Variants in ABHD2 observed in about 807,000 individuals in gnomAD.
ABHD2 encodes the protein abhydrolase domain containing 2, acylglycerol lipase, also known as monoacylglycerol lipase ABHD2.
ABHD2 carries 20 observed loss-of-function variants against 48.1 expected under a neutral mutation model. That is an observed-to-expected ratio of 0.42 (90% CI 0.29 to 0.60). The LOEUF is 0.60. Among genes scored for constraint, ABHD2 ranks in the 20% least tolerant of loss-of-function variants. ABHD2 has a pLI of 0.24. For synonymous variants in ABHD2, 209 were observed against 214.2 expected (o/e 0.98, Z 0.21); for missense variants, 405 against 550.9 (o/e 0.74, Z 2.65).
chr15:89,078,024 A>G, the ABHD2 span, among the ~76,000 whole-genome samples: 2 of 152,166 alleles, frequency 1.3e-5, no homozygotes, highest in Non-Finnish European at 2.9e-5. Context: ...CAAAATCTCA[A>G]CAGATCTAAA....
chr15:89,152,029 A>T (rs901294235), intron 4 of ABHD2, among the ~76,000 whole-genome samples, 177 bp downstream of exon 4: 1 of 151,512 alleles, frequency 6.6e-6, no homozygotes, highest in Non-Finnish European at 1.5e-5. Flanking sequence ...GCTTCAGCGT[A>T]TGTTTGCCAG....
At chr15:89,181,790 G>A (rs770826442) in intron 6 of ABHD2, among the ~76,000 whole-genome samples, 1 of 152,190 alleles carries the variant, frequency 6.6e-6, no homozygotes, top group Non-Finnish European at 1.5e-5. Context: ...CTGGAAAGCT[G>A]AGCCTTCTCT....
Position 89,137,485 on chromosome 15 carries a change from A to G in ABHD2, c.195-14192A>G, listed in dbSNP as rs959353097. ...ATTTTATAGTTTGCACGATATGCAC[A>G]AAGGTCACAGATGTACCAGCCTGGC... On this transcript the variant is annotated intron_variant, in intron 3 of 10. Transcript: ENST00000352732. The surrounding 1 kb of genome is among the most constrained non-coding windows in gnomAD (Gnocchi z 4.8). Among the ~76,000 whole-genome samples, 1 of 152,244 alleles carries G rather than the reference A, an allele frequency of 6.6e-6. No homozygotes were observed. The highest frequency in any genetic ancestry group is 1.5e-5 in the Non-Finnish European group (1 of 68,034).
rs943490856 is a variant in ABHD2 at position 89,173,663 on chromosome 15, G to T, written c.539-2149G>T. The stretch of plus-strand genomic sequence containing the variant: ...TCACATTCCAAAGTTAAGAGTTCAA[G>T]GATCCTTCTGGACCAGGTTTTTGTT... On this transcript the variant is annotated intron_variant, in intron 5 of 10. Coordinates refer to ENST00000352732, the MANE Select transcript of ABHD2 (RefSeq NM_152924.5). This position sits in a 1 kb window ranked among gnomAD's most constrained non-coding sequence, Gnocchi z 6.5. 1.3e-5 allele frequency among the ~76,000 whole-genome samples: 2 copies of T among 152,202 alleles called. No homozygotes were observed. The highest frequency in any genetic ancestry group is 4.8e-5 in the African/African-American group (2 of 41,444).
chr15:89,058,485 C>T, the ABHD2 span, among the ~76,000 whole-genome samples: 3,771 of 152,214 alleles, frequency 0.025, 74 homozygotes, highest in Middle Eastern at 0.051. Flanking sequence ...TCCTGGTACA[C>T]GGAGCCTAGT....
chr15:89,088,452 A>T (rs1316740539), upstream of ABHD2: 1 of 152,746 alleles, frequency 6.5e-6, no homozygotes, highest in Non-Finnish European at 1.5e-5. The surrounding 1 kb of genome is among the most constrained non-coding windows in gnomAD (Gnocchi z 6.8). Context: ...TAGCGGCGGG[A>T]GCTGCACTGG....
At chr15:89,057,002 C>T in the ABHD2 span, among the ~76,000 whole-genome samples, 1 of 150,930 alleles carries the variant, frequency 6.6e-6, no homozygotes, top group African/African-American at 2.4e-5. Context: ...CAATCTCCGC[C>T]TCCCGGGTTC....
chr15:89,050,875 G>A, the ABHD2 span, among the ~76,000 whole-genome samples: 8 of 152,164 alleles, frequency 5.3e-5, no homozygotes, highest in East Asian at 1.4e-3. Context: ...AAACCTTTTT[G>A]AGAATGATCT....
At chr15:89,073,872 C>T in the ABHD2 span, among the ~76,000 whole-genome samples, 4 of 152,136 alleles carry the variant, frequency 2.6e-5, no homozygotes, top group South Asian at 2.1e-4. Flanking sequence ...CCCACCCCAG[C>T]GTTTTTTACT....
At chr15:89,090,002 C>G (rs1309442381) in intron 1 of ABHD2, among the ~76,000 whole-genome samples, 1 of 152,122 alleles carries the variant, frequency 6.6e-6, no homozygotes, top group African/African-American at 2.4e-5. Context: ...GAAACTGAGG[C>G]CTGGGGTGGT....
intron 3 of ABHD2, among the ~76,000 whole-genome samples, chr15:89,140,126 G>A (rs978536180): frequency 6.6e-6 from 1 of 152,184 alleles, no homozygotes; most frequent in African/African-American, 2.4e-5. Context: ...TGACACAGCC[G>A]GTGTGTAGAG....
intron 1 of ABHD2, among the ~76,000 whole-genome samples, chr15:89,113,498 C>G (rs946802717): frequency 7.2e-5 from 11 of 152,186 alleles, no homozygotes; most frequent in Non-Finnish European, 1.5e-5. Context: ...CAGCAGAAAA[C>G]TTGTCCTAGA....
chr15:89,058,084 C>G, the ABHD2 span, among the ~76,000 whole-genome samples: 1 of 152,148 alleles, frequency 6.6e-6, no homozygotes, highest in Admixed American at 6.5e-5. Context: ...GCTGATAAAC[C>G]CTTAAATGAA....
chr15:89,048,058 AGC>A, the ABHD2 span, among the ~76,000 whole-genome samples: 10 of 151,698 alleles, frequency 6.6e-5, no homozygotes, highest in African/African-American at 2.4e-4. Context: ...TTCCATGTTT[AGC>A]GCTTCCTTCA....
chr15:89,150,249 T>A (rs1338079615), intron 3 of ABHD2, among the ~76,000 whole-genome samples: 1 of 152,226 alleles, frequency 6.6e-6, no homozygotes, highest in Non-Finnish European at 1.5e-5. Context: ...GATCAAAAGC[T>A]TAATTTCTTG....
rs1278761432 is a variant in ABHD2, at chr15:89,197,296, A to G, written c.*1873A>G. 1.3e-5 allele frequency: 2 copies of G among 152,632 alleles called. No individual in the cohort carries two copies. The highest frequency in any genetic ancestry group is 4.8e-5 in the African/African-American group (2 of 41,462). 9.5% of individuals were successfully genotyped at this position (152,632 alleles called of 1,614,324 possible). On this transcript the variant is annotated 3_prime_UTR_variant, in exon 11 of 11. Transcript: ENST00000352732. The surrounding 1 kb of genome is among the most constrained non-coding windows in gnomAD (Gnocchi z 4.4). The stretch of plus-strand genomic sequence containing the variant: ...TAATTTCTGGCACTCACCAGCCTCT[A>G]TCATTATGACTTTCCCCCCAGTGTA...
At chr15:89,060,339 C>A in the ABHD2 span, among the ~76,000 whole-genome samples, 2 of 151,850 alleles carry the variant, frequency 1.3e-5, no homozygotes, top group Non-Finnish European at 2.9e-5. Flanking sequence ...GATCCACCCA[C>A]CTCGGCCTCC....
the ABHD2 span, among the ~76,000 whole-genome samples, chr15:89,043,953 G>A: frequency 2.0e-5 from 3 of 150,306 alleles, no homozygotes; most frequent in Non-Finnish European, 3.0e-5. Flanking sequence ...TGCACAATGT[G>A]CAGGTTAGTT....
chr15:89,201,821 C>A lies in ABHD2; in HGVS notation c.*6398C>A. 1 of 1,266,470 alleles carries A rather than the reference C, an allele frequency of 7.9e-7. No individual in the cohort carries two copies. The allele number at this position is 1,266,470 out of a possible 1,614,324, so 78.5% of individuals were successfully genotyped here. A position where few individuals can be genotyped will look rare whatever the true frequency, so the allele number is the denominator to read the frequency against. On this transcript the variant is annotated 3_prime_UTR_variant, in exon 11 of 11. Transcript: ENST00000352732. Reference sequence around the variant, plus strand: ...ACGCCATTGGAGAGACAGCGCAGAGCAGGGGGCGGCTTGCTCGCTGGGGGC... The same window carrying A: ...ACGCCATTGGAGAGACAGCGCAGAGAAGGGGGCGGCTTGCTCGCTGGGGGC...
Sources: gnomAD v4.1 joint callset for allele counts (sites outside exome capture counted in the v4.1 genomes callset) on GRCh38, gnomAD v4.1.1 for gene constraint, Gnocchi (gnomAD v3.1) non-coding constraint, MANE v1.5 for transcripts, NCBI Gene and HGNC (gene_info 2026-07-23, HGNC 2026-07-21) for gene names.